The following MBOAT1 variants were observed in gnomAD, a reference collection of about 807,000 sequenced individuals.
MBOAT1 encodes membrane-bound glycerophospholipid O-acyltransferase 1.
MBOAT1 carries 67 observed loss-of-function variants against 64.4 expected under a neutral mutation model. The observed-to-expected ratio is 1.04, with a 90% CI of 0.85 to 1.27. MBOAT1 has a LOEUF of 1.27. Ranked by LOEUF, MBOAT1 falls within the 50% of genes most tolerant of loss-of-function variation. The probability of loss-of-function intolerance (pLI) is 0.00; values close to 1 mark genes in which losing one functional copy is unlikely to be tolerated. For synonymous variants in MBOAT1, 229 were observed against 218.9 expected (o/e 1.05, Z -0.41); for missense variants, 563 against 604.6 (o/e 0.93, Z 0.72).
chr6:20,144,369 A>T, intron 3 of MBOAT1, 54 bp from the exon 4 acceptor site: 2 of 1,115,952 alleles, frequency 1.8e-6, no homozygotes, highest in Non-Finnish European at 2.7e-6. Context: ...TAATGCACTC[A>T]ATTAATGTTC....
At chr6:20,102,827 GC>G (rs1477915708) in intron 12 of MBOAT1, among the ~76,000 whole-genome samples, 2 of 152,098 alleles carry the variant, frequency 1.3e-5, no homozygotes, top group Non-Finnish European at 2.9e-5. Context: ...AATGATGATG[GC>G]CCCATAAGAT....
rs939472162 is a variant in MBOAT1 at position 20,101,790 on chromosome 6, A to G, written c.*496T>C. The stretch of plus-strand genomic sequence containing the variant: ...AAATATCAAAACCAATAACCTGGAC[A>G]TGGCCGATTAATCTGTACAAAAAGG... On this transcript the variant is annotated 3_prime_UTR_variant, in exon 13 of 13. Transcript: ENST00000324607. Among the ~76,000 whole-genome samples the G allele has an allele frequency of 6.6e-6, 1 of 152,192 alleles. No homozygotes were observed. Among genetic ancestry groups the G allele is most frequent in the African/African-American group, 2.4e-5 (1 of 41,460 alleles).
rs778084657 is a variant in MBOAT1, at chr6:20,101,264, C to T, written c.*1022G>A. On this transcript the variant is annotated 3_prime_UTR_variant, in exon 13 of 13. Transcript: ENST00000324607. ...TGGCGCCTGTGAAATGGAAAACATT[C>T]GGAAAACAGCAGCCCCTCTTCAGCT... 3.3e-5 allele frequency among the ~76,000 whole-genome samples: 5 copies of T among 152,144 alleles called. No individual in the cohort carries two copies. The highest frequency in any genetic ancestry group is 7.2e-5 in the African/African-American group (3 of 41,426).
At chr6:20,150,896 A>G (rs1761474482) in intron 3 of MBOAT1, among the ~76,000 whole-genome samples, 1 of 151,800 alleles carries the variant, frequency 6.6e-6, no homozygotes, top group South Asian at 2.1e-4. Flanking sequence ...CATTATTTTC[A>G]TTGTGTTGAA....
At chr6:20,198,471 C>T (rs1017490161) in intron 1 of MBOAT1, among the ~76,000 whole-genome samples, 3 of 152,106 alleles carry the variant, frequency 2.0e-5, no homozygotes, top group African/African-American at 7.2e-5. Context: ...CATTAGTGGC[C>T]CACCCTATCT....
At chr6:20,152,377 ATT>A (rs1561765800) in intron 2 of MBOAT1, among the ~76,000 whole-genome samples, 5 of 145,984 alleles carry the variant, frequency 3.4e-5, no homozygotes, top group East Asian at 2.0e-4. Flanking sequence ...TAATTAATTA[ATT>A]AATTAATTAA....
chr6:20,189,783 C>A (rs1762753390), intron 1 of MBOAT1, among the ~76,000 whole-genome samples: 1 of 151,612 alleles, frequency 6.6e-6, no homozygotes, highest in Non-Finnish European at 1.5e-5. Flanking sequence ...GATCACATGG[C>A]ATTTGTCTAC....
chr6:20,202,767 G>A (rs896736631), intron 1 of MBOAT1, among the ~76,000 whole-genome samples: 1 of 152,090 alleles, frequency 6.6e-6, no homozygotes, highest in African/African-American at 2.4e-5. Flanking sequence ...TCCCACTGAC[G>A]ACTCTCTATC....
At chr6:20,183,118 C>A (rs898548359) in intron 1 of MBOAT1, among the ~76,000 whole-genome samples, 2 of 152,168 alleles carry the variant, frequency 1.3e-5, no homozygotes, top group African/African-American at 4.8e-5. Context: ...CTCTGCGTCA[C>A]CTCCCCTTTA....
chr6:20,113,465 T>C (rs1207453007), intron 10 of MBOAT1, among the ~76,000 whole-genome samples: 2 of 152,204 alleles, frequency 1.3e-5, no homozygotes, highest in Admixed American at 6.5e-5. Flanking sequence ...TTAATTTACC[T>C]TTCCCACCAG....
chr6:20,127,508 A>G (rs1343112754), intron 6 of MBOAT1, among the ~76,000 whole-genome samples: 1 of 152,156 alleles, frequency 6.6e-6, no homozygotes, highest in East Asian at 1.9e-4. Flanking sequence ...GCCTCTCCCC[A>G]TCACTTACAT....
intron 4 of MBOAT1, among the ~76,000 whole-genome samples, chr6:20,133,360 A>C (rs895119686): frequency 7.2e-5 from 11 of 152,174 alleles, no homozygotes; most frequent in Non-Finnish European, 1.6e-4. Flanking sequence ...TCCTAGTAAT[A>C]AGGGCTACAT....
chr6:20,186,110 G>A (rs1357141297), intron 1 of MBOAT1, among the ~76,000 whole-genome samples: 2 of 152,182 alleles, frequency 1.3e-5, no homozygotes, highest in African/African-American at 2.4e-5. Context: ...TTGAGCCTAG[G>A]AGCTTGAGGC....
chr6:20,165,543 G>A (rs1447247380), intron 1 of MBOAT1, among the ~76,000 whole-genome samples: 1 of 152,038 alleles, frequency 6.6e-6, no homozygotes, highest in Non-Finnish European at 1.5e-5. Context: ...AGGAGTTCAA[G>A]CCCAGCCTTT....
chr6:20,202,256 T>C (rs961883967), intron 1 of MBOAT1, among the ~76,000 whole-genome samples: 1 of 152,196 alleles, frequency 6.6e-6, no homozygotes, highest in East Asian at 1.9e-4. Flanking sequence ...TAATTCCTTG[T>C]TTGAAATAAG....
intron 11 of MBOAT1, among the ~76,000 whole-genome samples, chr6:20,110,133 A>T (rs536692833): frequency 6.6e-6 from 1 of 151,506 alleles, no homozygotes; most frequent in South Asian, 2.1e-4. Flanking sequence ...CTGGTCTCGA[A>T]TTCCTGACCT....
At chr6:20,125,016 G>A (rs542199378) in intron 7 of MBOAT1, among the ~76,000 whole-genome samples, 5 of 152,306 alleles carry the variant, frequency 3.3e-5, no homozygotes, top group Admixed American at 1.3e-4. Context: ...TCACCAGTAG[G>A]GAAGACAGAG....
chr6:20,138,980 A>G (rs1489198706), intron 4 of MBOAT1, among the ~76,000 whole-genome samples: 2 of 152,080 alleles, frequency 1.3e-5, no homozygotes, highest in Non-Finnish European at 2.9e-5. Context: ...CATTACTCCA[A>G]TGTCGGCCTC....
intron 1 of MBOAT1, among the ~76,000 whole-genome samples, chr6:20,197,368 G>C (rs1184251861): frequency 6.6e-6 from 1 of 152,110 alleles, no homozygotes; most frequent in East Asian, 1.9e-4. Context: ...AGATAAAATA[G>C]CTACATACCA....
Sources: allele counts gnomAD v4.1 joint callset (sites outside exome capture counted in the v4.1 genomes callset), GRCh38; gene constraint gnomAD v4.1.1; transcripts MANE v1.5; gene names NCBI Gene and HGNC (gene_info 2026-07-23, HGNC 2026-07-21).